Variants in ZNF717 observed in about 807,000 individuals in gnomAD.
ZNF717 encodes the protein krueppel-like factor X17.
Under a neutral mutation model 13.8 loss-of-function variants are expected in ZNF717, and 9 were observed. The ratio of observed to expected loss-of-function variants is 0.65; its 90% confidence interval spans 0.39 to 1.14. The LOEUF (loss-of-function observed/expected upper bound fraction) is 1.14, where lower values mean the gene tolerates loss of function less well. Ranked by LOEUF, ZNF717 falls within the 50% of genes most tolerant of loss-of-function variation. The pLI, the probability that ZNF717 is intolerant of heterozygous loss-of-function variation, is 0.01. For synonymous variants in ZNF717, 327 were observed against 364.1 expected (o/e 0.90, Z 1.16); for missense variants, 1,040 against 1,080.7 (o/e 0.96, Z 0.53).
chr3:75,740,999 G>A (rs1940345874), intron 4 of ZNF717, among the ~76,000 whole-genome samples: 2 of 152,098 alleles, frequency 1.3e-5, no homozygotes, highest in Admixed American at 1.3e-4. Flanking sequence ...TAGAGGAAAA[G>A]GGGGAAACAG....
chr3:75,762,017 G>A (rs1375911662), intron 2 of ZNF717, among the ~76,000 whole-genome samples: 1 of 151,096 alleles, frequency 6.6e-6, no homozygotes, highest in East Asian at 1.9e-4. Context: ...TTGTGCCACT[G>A]CGCTCCAGCC....
chr3:75,773,418 T>C (rs1357484251), intron 2 of ZNF717, among the ~76,000 whole-genome samples: 2 of 152,182 alleles, frequency 1.3e-5, no homozygotes, highest in Non-Finnish European at 2.9e-5. Context: ...CATTTAAAAA[T>C]GAGGGCTCCC....
intron 6 of ZNF717, among the ~76,000 whole-genome samples, chr3:75,698,669 G>A (rs1490218860): frequency 7.9e-5 from 12 of 152,064 alleles, no homozygotes; most frequent in African/African-American, 2.2e-4. Flanking sequence ...AAGGATGTAC[G>A]AAAAAGCCAG....
At chr3:75,769,321 G>C (rs1224260637) in intron 2 of ZNF717, among the ~76,000 whole-genome samples, 3 of 152,114 alleles carry the variant, frequency 2.0e-5, no homozygotes, top group Non-Finnish European at 4.4e-5. Context: ...GCCACAAAGA[G>C]AGGGCTGGGT....
At chr3:75,720,413 C>T (rs78033475) in intron 4 of ZNF717, among the ~76,000 whole-genome samples, 2 of 151,954 alleles carry the variant, frequency 1.3e-5, no homozygotes, top group East Asian at 1.9e-4. Context: ...CAGGTTCTCA[C>T]TTATAAGTGG....
chr3:75,785,314 C>T (rs1183256092), intron 1 of ZNF717, 70 bp downstream of exon 1: 1 of 152,664 alleles, frequency 6.6e-6, no homozygotes, highest in African/African-American at 2.4e-5. Context: ...TCCTGCGCCT[C>T]TAGAACCCGC....
chr3:75,765,019 ATATATATATATGTATATG>A (rs1338390366), intron 2 of ZNF717, among the ~76,000 whole-genome samples: 1 of 32,918 alleles, frequency 3.0e-5, no homozygotes, highest in African/African-American at 1.0e-4. Context: ...ATATATATAT[ATATATATATATGTATATG>A]TGTGTGTGTG....
chr3:75,758,924 C>A (rs961271217), intron 2 of ZNF717, among the ~76,000 whole-genome samples: 6 of 152,148 alleles, frequency 3.9e-5, no homozygotes, highest in African/African-American at 1.4e-4. Flanking sequence ...TTTGATTGAG[C>A]AGGAGGTTGA....
At chr3:75,741,176 C>A (rs111832504) in intron 4 of ZNF717, 100 bp downstream of exon 4, 1 of 586,802 alleles carries the variant, frequency 1.7e-6, no homozygotes, top group Non-Finnish European at 3.1e-6. Context: ...GCCTTCAGGT[C>A]GAAGACCTAG....
intron 2 of ZNF717, among the ~76,000 whole-genome samples, chr3:75,780,758 G>A (rs1448901447): frequency 6.6e-6 from 1 of 152,236 alleles, no homozygotes; most frequent in African/African-American, 2.4e-5. Context: ...CTAAGCTCAT[G>A]CAATAGGTCC....
chr3:75,784,436 C>T (rs190225141), intron 1 of ZNF717, among the ~76,000 whole-genome samples: 47 of 152,256 alleles, frequency 3.1e-4, no homozygotes, highest in African/African-American at 9.1e-4. Flanking sequence ...CAAATACAAT[C>T]GATAGAACTT....
intron 1 of ZNF717, chr3:75,784,914 C>T (rs58564752): frequency 0.093 from 14,160 of 152,088 alleles, 1,128 homozygotes; most frequent in African/African-American, 0.2. Flanking sequence ...GACTGAAGTA[C>T]CCTTAAGGCT....
intron 6 of ZNF717, among the ~76,000 whole-genome samples, chr3:75,696,092 AG>A (rs1937599931): frequency 7.5e-6 from 1 of 133,518 alleles, no homozygotes; most frequent in Non-Finnish European, 1.6e-5. Flanking sequence ...AAAACAGAGA[AG>A]ATACAAATTA....
intron 2 of ZNF717, among the ~76,000 whole-genome samples, chr3:75,771,600 T>C (rs1400539814): frequency 6.6e-6 from 1 of 152,216 alleles, no homozygotes; most frequent in Admixed American, 6.5e-5. Flanking sequence ...AAGGACCCCT[T>C]TGTGATGTCA....
At chr3:75,760,903 T>A (rs185149320) in intron 2 of ZNF717, among the ~76,000 whole-genome samples, 3,324 of 151,516 alleles carry the variant, frequency 0.022, 121 homozygotes, top group African/African-American at 0.075. Context: ...CTCACAGCCA[T>A]ATTAAGAAAA....
At chr3:75,780,201 G>A (rs555162058) in intron 2 of ZNF717, among the ~76,000 whole-genome samples, 5 of 150,428 alleles carry the variant, frequency 3.3e-5, no homozygotes, top group African/African-American at 1.2e-4. Context: ...TGGGAGTGAC[G>A]TGCTAAAACC....
At chr3:75,739,941 C>T (rs1940158514) in intron 4 of ZNF717, among the ~76,000 whole-genome samples, 1 of 152,114 alleles carries the variant, frequency 6.6e-6, no homozygotes, top group Admixed American at 6.5e-5. Flanking sequence ...TAAACAAAAA[C>T]AGATCCTGGC....
intron 2 of ZNF717, among the ~76,000 whole-genome samples, chr3:75,758,159 A>C (rs1447104644): frequency 2.0e-5 from 3 of 149,912 alleles, no homozygotes; most frequent in African/African-American, 7.3e-5. Context: ...AGTTGTCAAG[A>C]TTATTCCAAC....
At chr3:75,709,267 TGG>T (rs1409601758), downstream of ZNF717, among the ~76,000 whole-genome samples, 2 of 152,146 alleles carry the variant, frequency 1.3e-5, no homozygotes, top group Non-Finnish European at 2.9e-5. Flanking sequence ...CCCCAAGTGC[TGG>T]GGTTATAGGT....
Sources: gnomAD v4.1 joint callset for allele counts (sites outside exome capture counted in the v4.1 genomes callset) on GRCh38, gnomAD v4.1.1 for gene constraint, MANE v1.5 for transcripts, NCBI Gene and HGNC (gene_info 2026-07-23, HGNC 2026-07-21) for gene names.